The following ATXN7 variants were observed in gnomAD, a reference collection of about 807,000 sequenced individuals.
ATXN7 encodes the protein ataxin-7.
Under a neutral mutation model 70.5 loss-of-function variants are expected in ATXN7, and 12 were observed. The observed-to-expected ratio is 0.17, with a 90% CI of 0.11 to 0.28. The LOEUF is 0.28. Among genes scored for constraint, ATXN7 ranks in the 10% least tolerant of loss-of-function variants. The pLI, the probability that ATXN7 is intolerant of heterozygous loss-of-function variation, is 1.00. For missense variants in ATXN7, 1,256 were observed against 1,131.7 expected, an observed-to-expected ratio of 1.11 and a Z score of -1.58; for synonymous variants, 498 against 448.7, an observed-to-expected ratio of 1.11 and a Z score of -1.39.
At chr3:63,994,315 A>T (rs562456659) in intron 11 of ATXN7, among the ~76,000 whole-genome samples, 1 of 151,934 alleles carries the variant, frequency 6.6e-6, no homozygotes, top group African/African-American at 2.4e-5. Context: ...GCTCACTGTG[A>T]CCTCCACCTC....
intron 1 of ATXN7, among the ~76,000 whole-genome samples, chr3:63,876,497 G>A (rs777004629): frequency 3.3e-5 from 5 of 152,142 alleles, no homozygotes; most frequent in Non-Finnish European, 5.9e-5. Flanking sequence ...AGCTAGTAAA[G>A]ATGTTTATGG....
intron 4 of ATXN7, among the ~76,000 whole-genome samples, chr3:63,938,619 G>A (rs2074704169): frequency 6.6e-6 from 1 of 152,198 alleles, no homozygotes; most frequent in South Asian, 2.1e-4. Context: ...AAAACCAAAA[G>A]AACAGTTCAC....
chr3:63,914,117 C>T (rs1276288941), intron 4 of ATXN7, among the ~76,000 whole-genome samples: 1 of 152,126 alleles, frequency 6.6e-6, no homozygotes, highest in Non-Finnish European at 1.5e-5. Context: ...TTTATAGTCC[C>T]CGAATGCAAT....
At position 64,002,409 on chromosome 3, in the gene ATXN7, G is replaced by A. The variant is rs957788611; in HGVS notation, c.*2942G>A. 6.6e-6 allele frequency: 1 copy of A among 152,354 alleles called. No homozygotes were observed. Among genetic ancestry groups the A allele is most frequent in the Non-Finnish European group, 1.5e-5 (1 of 67,994 alleles). 9.4% of individuals were successfully genotyped at this position (152,354 alleles called of 1,614,324 possible). On this transcript the variant is annotated 3_prime_UTR_variant, in exon 13 of 13. Coordinates refer to ENST00000674280, the MANE Select transcript of ATXN7 (RefSeq NM_001377405.1). ...GATGAAGTGGGCATTGCTTCTTCCT[G>A]GTTGCCTGGTTTCCCGATAGACTAC...
chr3:63,970,289 C>G (rs2075289001), intron 5 of ATXN7, among the ~76,000 whole-genome samples: 1 of 152,120 alleles, frequency 6.6e-6, no homozygotes, highest in Non-Finnish European at 1.5e-5. Flanking sequence ...TGATAATCCT[C>G]TGGTCAAAAG....
intron 4 of ATXN7, among the ~76,000 whole-genome samples, chr3:63,926,697 C>T (rs760722949): frequency 1.3e-4 from 20 of 152,116 alleles, no homozygotes; most frequent in South Asian, 1.2e-3. Context: ...TTCCCACTGA[C>T]GGGCTACTGC....
rs1218245715 is a variant in ATXN7 at position 63,864,105 on chromosome 3, C to T, written c.-164C>T. ...CGGGCTCCCGCCGCCCCCCTTGCAG[C>T]CCCCGCCCGGCCCACGCCCAGAGGC... On this transcript the variant is annotated 5_prime_UTR_variant, in exon 1 of 13. Coordinates refer to ENST00000674280, the MANE Select transcript of ATXN7 (RefSeq NM_001377405.1). Among the ~76,000 whole-genome samples, 1 of 147,064 alleles carries T rather than the reference C, an allele frequency of 6.8e-6. No homozygotes were observed. Among genetic ancestry groups the T allele is most frequent in the African/African-American group, 2.5e-5 (1 of 40,778 alleles).
chr3:63,863,628 G>A (rs942464923), upstream of ATXN7: 67 of 1,203,140 alleles, frequency 5.6e-5, no homozygotes, highest in East Asian at 6.9e-4. Flanking sequence ...GGGGCTCCGG[G>A]GAGAGGTCGG....
intron 3 of ATXN7, 51 bp downstream of exon 3, chr3:63,912,974 C>A (rs774791610): frequency 1.6e-6 from 2 of 1,273,904 alleles, no homozygotes; most frequent in Non-Finnish European, 2.1e-6. Context: ...ACCCCCTCCT[C>A]TCTCCTCCCC....
At chr3:63,981,275 CT>C (rs1213424283) in intron 6 of ATXN7, among the ~76,000 whole-genome samples, 2 of 152,198 alleles carry the variant, frequency 1.3e-5, no homozygotes, top group African/African-American at 4.8e-5. Flanking sequence ...CCCTGTTCTT[CT>C]GTCAGAAGTA....
intron 1 of ATXN7, among the ~76,000 whole-genome samples, chr3:63,891,087 G>T (rs1703246080): frequency 6.6e-6 from 1 of 152,056 alleles, no homozygotes; most frequent in African/African-American, 2.4e-5. Context: ...TCGGCTCACT[G>T]CAACCTCCAC....
chr3:63,913,009 C>CCG, intron 3 of ATXN7, 86 bp downstream of exon 3: 1 of 1,357,908 alleles, frequency 7.4e-7, no homozygotes, highest in Admixed American at 2.1e-5. Flanking sequence ...CTCCTGTGAC[C>CCG]CGCCCCCTCG....
Position 63,950,101 on chromosome 3 carries a change from G to A in ATXN7, c.395-2278G>A, listed in dbSNP as rs564517638. 1.1e-3 allele frequency among the ~76,000 whole-genome samples: 170 copies of A among 151,922 alleles called. 1 individual carries two copies. Among genetic ancestry groups the A allele is most frequent in the Non-Finnish European group, 2.0e-3 (136 of 68,008 alleles). On this transcript the variant is annotated intron_variant, in intron 4 of 12. Transcript: ENST00000674280. ...ATTTTTACAGAAGTATAGATTCTTGGTTCCTTACAGGATAACCCCTATCTT... is the reference window on the plus strand; with the variant it reads ...ATTTTTACAGAAGTATAGATTCTTGATTCCTTACAGGATAACCCCTATCTT...
At chr3:63,911,232 T>G (rs1704003468) in intron 2 of ATXN7, among the ~76,000 whole-genome samples, 1 of 152,050 alleles carries the variant, frequency 6.6e-6, no homozygotes. Flanking sequence ...TCAACAATTA[T>G]TGAAAGTGGT....
At chr3:63,955,763 G>A (rs928983801) in intron 5 of ATXN7, among the ~76,000 whole-genome samples, 1 of 152,314 alleles carries the variant, frequency 6.6e-6, no homozygotes, top group South Asian at 2.1e-4. Flanking sequence ...TGGTGAAAAT[G>A]TGTCGGCAGT....
At chr3:63,981,753 T>C (rs2075490826) in intron 6 of ATXN7, among the ~76,000 whole-genome samples, 1 of 152,230 alleles carries the variant, frequency 6.6e-6, no homozygotes, top group Non-Finnish European at 1.5e-5. Flanking sequence ...ATTGGAAATA[T>C]TTGCTCACTC....
intron 4 of ATXN7, among the ~76,000 whole-genome samples, chr3:63,931,138 T>C (rs1704937763): frequency 6.6e-6 from 1 of 152,074 alleles, no homozygotes. Context: ...AAGGTCTCAC[T>C]GTGTTGCCCA....
At chr3:63,942,036 C>T (rs891999005) in intron 4 of ATXN7, among the ~76,000 whole-genome samples, 3 of 152,066 alleles carry the variant, frequency 2.0e-5, no homozygotes, top group Admixed American at 6.5e-5. Context: ...ACAATGGAGC[C>T]GAGAGTCCTA....
chr3:63,959,973 C>G (rs2075099627), intron 5 of ATXN7, among the ~76,000 whole-genome samples: 1 of 152,078 alleles, frequency 6.6e-6, no homozygotes, highest in Admixed American at 6.6e-5. Context: ...TGACTTAATA[C>G]AATACATTGT....
Sources: allele counts gnomAD v4.1 joint callset (sites outside exome capture counted in the v4.1 genomes callset), GRCh38; gene constraint gnomAD v4.1.1; transcripts MANE v1.5; gene names NCBI Gene and HGNC (gene_info 2026-07-23, HGNC 2026-07-21).